UGT2B4: variants seen among roughly 807,000 people sequenced by gnomAD.
UGT2B4 encodes the protein UDP glucuronosyltransferase family 2 member B4, also known as UDP-glucuronosyltransferase 2B4.
A neutral mutation model predicts 49.8 loss-of-function variants in UGT2B4; 49 were observed. That is an observed-to-expected ratio of 0.98 (90% CI 0.78 to 1.25). UGT2B4 has a LOEUF of 1.25. Ranked by LOEUF, UGT2B4 falls within the 50% of genes most tolerant of loss-of-function variation. The pLI is 0.00. For synonymous variants in UGT2B4, 246 were observed against 217.7 expected (o/e 1.13, Z -1.14); for missense variants, 729 against 627.7 (o/e 1.16, Z -1.73).
At position 69,495,236 on chromosome 4, in the gene UGT2B4, T is replaced by TAGGAG; in HGVS notation, c.625_626insCTCCT (p.Glu209AlafsTer5). The TAGGAG allele has an allele frequency of 6.2e-7, 1 of 1,610,780 alleles. No homozygotes were observed. The highest frequency in any genetic ancestry group is 8.5e-7 in the Non-Finnish European group (1 of 1,179,164). Reference sequence around the variant, plus strand: ...CACATAGATCATATTTTTTACCCTCTCTATGAAAGTCATTTGGTCACTTAG... The same window carrying TAGGAG: ...CACATAGATCATATTTTTTACCCTCTAGGAGCTATGAAAGTCATTTGGTCACTTAG... On this transcript the variant is annotated frameshift_variant, in exon 1 of 6. Coordinates refer to ENST00000305107, the MANE Select transcript of UGT2B4 (RefSeq NM_021139.3). LOFTEE classifies it high-confidence loss of function.
chr4:69,495,419 A>G lies in UGT2B4; in HGVS notation c.443T>C (p.Val148Ala). ...KKLQESRFDVVLADAVFPFGE... is the reference protein window; with the variant it reads ...KKLQESRFDVALADAVFPFGE... ...AAAGGGGAAAACAGCATCTGCAAGA[A>G]CAACATCAAATCTTGACTCCTGTAG... The change falls in exon 1 of 6, where the codon GTT becomes GCT. Residue 148 changes from valine (V) to alanine (A), a missense_variant. Val to Ala is a moderately conservative substitution (Grantham distance 64). Transcript: ENST00000305107. 1 of 1,614,002 alleles carries G rather than the reference A, an allele frequency of 6.2e-7. No homozygotes were observed.
intron 5 of UGT2B4, among the ~76,000 whole-genome samples, chr4:69,483,829 GC>G (rs1727684356): frequency 6.6e-6 from 1 of 152,010 alleles, no homozygotes; most frequent in Non-Finnish European, 1.5e-5. Context: ...AAATTTGTGT[GC>G]TTCAAAGACC....
Position 69,492,071 on chromosome 4 carries a change from T to A in UGT2B4, c.870+1622A>T, listed in dbSNP as rs1728003289. Reference sequence around the variant, plus strand: ...TTCCTCCATAAAGAATATAATGTTATATGATGACAGAATTCTTTTATTATT... The same window carrying A: ...TTCCTCCATAAAGAATATAATGTTAAATGATGACAGAATTCTTTTATTATT... On this transcript the variant is annotated intron_variant, in intron 2 of 5. Transcript: ENST00000305107. Among the ~76,000 whole-genome samples, 4 of 152,104 alleles carry A rather than the reference T, an allele frequency of 2.6e-5. No individual in the cohort carries two copies. In the South Asian group the frequency reaches 8.3e-4, roughly 32 times the overall value.
rs1006289702 is a variant in UGT2B4, at chr4:69,503,319, G to A, written c.-105-7353C>T. On this transcript the variant is annotated intron_variant, in intron 1 of 1. Coordinates refer to the UGT2B4 transcript ENST00000510114. ...GCTTCTGCAGCAGTGGACTGTGCCT[G>A]ACTGGAGAACTCCAGCAAGGTGGCC... Among the ~76,000 whole-genome samples the A allele has an allele frequency of 4.6e-5, 7 of 152,154 alleles. 1 individual carries two copies. The highest frequency in any genetic ancestry group is 1.2e-4 in the African/African-American group (5 of 41,434).
chr4:69,481,079 C>T (rs1727573956), intron 5 of UGT2B4, among the ~76,000 whole-genome samples, 169 bp from the exon 6 acceptor site: 2 of 59,688 alleles, frequency 3.4e-5, no homozygotes, highest in Admixed American at 4.4e-4. Flanking sequence ...ACCCCGTCTC[C>T]AGTAAAAATA....
At chr4:69,496,765 A>G (rs1388920844), upstream of UGT2B4, among the ~76,000 whole-genome samples, 1 of 152,150 alleles carries the variant, frequency 6.6e-6, no homozygotes, top group Non-Finnish European at 1.5e-5. Flanking sequence ...TTTTAAATAC[A>G]TGGAATCACA....
chr4:69,504,688 T>G (rs1005217950), intron 1 of UGT2B4, among the ~76,000 whole-genome samples: 1 of 152,048 alleles, frequency 6.6e-6, no homozygotes, highest in African/African-American at 2.4e-5. Context: ...TCAGGTACCA[T>G]CCCTGAGAAT....
At chr4:69,499,018 C>T (rs918326897), upstream of UGT2B4, among the ~76,000 whole-genome samples, 4 of 152,104 alleles carry the variant, frequency 2.6e-5, no homozygotes, top group Non-Finnish European at 4.4e-5. Flanking sequence ...AAATTTCCCG[C>T]TTAGCAATGC....
At chr4:69,502,129 CTT>C (rs1289838833) in intron 1 of UGT2B4, among the ~76,000 whole-genome samples, 1 of 130,618 alleles carries the variant, frequency 7.7e-6, no homozygotes, top group African/African-American at 3.0e-5. Flanking sequence ...TTCTTTCTTT[CTT>C]TCTTTCTTTC....
chr4:69,489,611 A>C, intron 2 of UGT2B4, 41 bp from the exon 3 acceptor site: 2 of 1,563,428 alleles, frequency 1.3e-6, no homozygotes, highest in Non-Finnish European at 1.7e-6. Flanking sequence ...ATAGATTATC[A>C]GCACAGCAAG....
upstream of UGT2B4, among the ~76,000 whole-genome samples, chr4:69,498,216 A>G (rs1185035182): frequency 6.6e-6 from 1 of 152,240 alleles, no homozygotes; most frequent in Admixed American, 6.5e-5. Flanking sequence ...GCTTTATTGT[A>G]GTAGCCTGGA....
intron 1 of UGT2B4, chr4:69,518,016 C>T (rs1483453826): frequency 1.3e-5 from 2 of 152,732 alleles, no homozygotes; most frequent in Non-Finnish European, 2.9e-5. Flanking sequence ...AGGCAAAACT[C>T]TCACACAGAG....
chr4:69,488,516 A>G (rs140686826), intron 3 of UGT2B4, among the ~76,000 whole-genome samples: 2 of 152,280 alleles, frequency 1.3e-5, no homozygotes, highest in African/African-American at 4.8e-5. Flanking sequence ...TATGTCAGGC[A>G]GGGAACTAAA....
In UGT2B4 at chr4:69,495,316, C is replaced by T. The variant is rs1432887604; in HGVS notation, c.546G>A (p.Lys182=). ...LRFSPGYAIE[K]HSGGLLFPPS... is the part of the protein sequence containing the mutation. ...GAGGGAACAGAAGTCCTCCACTATGCTTTTCAATTGCGTAGCCAGGAGAGA... is the reference window on the plus strand; with the variant it reads ...GAGGGAACAGAAGTCCTCCACTATGTTTTTCAATTGCGTAGCCAGGAGAGA... The change falls in exon 1 of 6, where the codon AAG becomes AAA. Residue 182 remains lysine, a synonymous_variant. Transcript: ENST00000305107. 5 of 1,612,876 alleles carry T rather than the reference C, an allele frequency of 3.1e-6. No homozygotes were observed. The highest frequency in any genetic ancestry group is 4.2e-6 in the Non-Finnish European group (5 of 1,179,558).
chr4:69,506,530 TGA>T (rs896401369), intron 1 of UGT2B4, among the ~76,000 whole-genome samples: 4 of 152,096 alleles, frequency 2.6e-5, no homozygotes, highest in African/African-American at 9.7e-5. Flanking sequence ...CAGAAGAAAT[TGA>T]ATTGCTGAAC....
At chr4:69,491,603 T>G (rs1193151994) in intron 2 of UGT2B4, among the ~76,000 whole-genome samples, 2 of 152,134 alleles carry the variant, frequency 1.3e-5, no homozygotes, top group Admixed American at 1.3e-4. Context: ...GAGAATGGCT[T>G]TCACAACCAT....
intron 2 of UGT2B4, among the ~76,000 whole-genome samples, chr4:69,492,902 A>G (rs1728032545): frequency 6.6e-6 from 1 of 152,118 alleles, no homozygotes; most frequent in African/African-American, 2.4e-5. Context: ...TGGCCCTTCC[A>G]CAATTTAATC....
intron 5 of UGT2B4, among the ~76,000 whole-genome samples, chr4:69,484,897 C>G (rs41297435): frequency 6.6e-6 from 1 of 151,954 alleles, no homozygotes; most frequent in Non-Finnish European, 1.5e-5. Context: ...TATTATATTA[C>G]GTCAAGTTTA....
chr4:69,502,139 T>TTCTA lies in UGT2B4; in HGVS notation c.-105-6174_-105-6173insTAGA, dbSNP rs769540892. On this transcript the variant is annotated intron_variant, in intron 1 of 1. Coordinates refer to the UGT2B4 transcript ENST00000510114. ...TTTCTTTCTTTCTTTCTTTCTTTCT[T>TTCTA]TCTTTCTTTCTCTTTCTTTCTTTCT... is the stretch of plus-strand genomic sequence containing the variant. Among the ~76,000 whole-genome samples, 99 of 137,482 alleles carry TTCTA rather than the reference T, an allele frequency of 7.2e-4. 1 individual carries two copies. Among genetic ancestry groups the TTCTA allele is most frequent in the Admixed American group, 2.9e-3 (38 of 13,244 alleles). 90.2% of individuals were successfully genotyped at this position (137,482 alleles called of 152,430 possible).
Sources: gnomAD v4.1 joint callset for allele counts (sites outside exome capture counted in the v4.1 genomes callset) on GRCh38, gnomAD v4.1.1 for gene constraint, MANE v1.5 for transcripts, NCBI Gene and HGNC (gene_info 2026-07-23, HGNC 2026-07-21) for gene names.